The following PRIM2 variants were observed in gnomAD, a reference collection of about 807,000 sequenced individuals.
PRIM2 encodes the protein DNA primase subunit 2.
Under a neutral mutation model 67.3 loss-of-function variants are expected in PRIM2, and 39 were observed. The ratio of observed to expected loss-of-function variants is 0.58; its 90% CI spans 0.45 to 0.76. The LOEUF is 0.76. Ranked by LOEUF, PRIM2 falls within the 30% of genes least tolerant of loss-of-function variation. The probability of loss-of-function intolerance (pLI) is 0.00; values close to 1 mark genes in which losing one functional copy is unlikely to be tolerated. For synonymous variants in PRIM2, 143 were observed against 198.7 expected (o/e 0.72, Z 2.36); for missense variants, 398 against 598.7 (o/e 0.66, Z 3.50).
intron 7 of PRIM2, among the ~76,000 whole-genome samples, chr6:57,408,220 T>C (rs551327910): frequency 0.013 from 1,952 of 152,230 alleles, 33 homozygotes; most frequent in African/African-American, 0.045. Context: ...GTGGAGTGGT[T>C]TTAAGGAGCG....
At chr6:57,582,577 A>G (rs1183194247) in intron 10 of PRIM2, among the ~76,000 whole-genome samples, 8 of 152,080 alleles carry the variant, frequency 5.3e-5, no homozygotes, top group Admixed American at 3.9e-4. Context: ...TAGAGTTACT[A>G]TTTCTTTAAA....
intron 7 of PRIM2, among the ~76,000 whole-genome samples, chr6:57,492,883 T>C (rs1176118186): frequency 2.6e-5 from 4 of 152,240 alleles, no homozygotes; most frequent in African/African-American, 9.6e-5. Flanking sequence ...ATTAAGAATT[T>C]GTAGAACTGG....
intron 13 of PRIM2, among the ~76,000 whole-genome samples, chr6:57,633,608 GC>G (rs1777069156): frequency 1.3e-5 from 2 of 152,026 alleles, no homozygotes; most frequent in African/African-American, 4.8e-5. Flanking sequence ...CCTTAATGCA[GC>G]AGTCCCCAAC....
intron 8 of PRIM2, among the ~76,000 whole-genome samples, chr6:57,518,757 T>C (rs1272105944): frequency 6.6e-6 from 1 of 152,212 alleles, no homozygotes; most frequent in Non-Finnish European, 1.5e-5. Flanking sequence ...GTACTGCTGT[T>C]TTTATCTTTT....
At chr6:57,312,458 CAT>C, upstream of PRIM2, among the ~76,000 whole-genome samples, 1 of 151,804 alleles carries the variant, frequency 6.6e-6, no homozygotes, top group Non-Finnish European at 1.5e-5. Flanking sequence ...GCAGTGATAG[CAT>C]CACTGCACTC....
intron 5 of PRIM2, among the ~76,000 whole-genome samples, chr6:57,343,108 T>C (rs1768546465): frequency 6.6e-6 from 1 of 152,208 alleles, no homozygotes; most frequent in South Asian, 2.1e-4. Context: ...TTTACGTTGA[T>C]TTAATAGTTT....
chr6:57,258,157 C>A, the PRIM2 span, among the ~76,000 whole-genome samples: 3 of 152,104 alleles, frequency 2.0e-5, no homozygotes, highest in Admixed American at 2.0e-4. Flanking sequence ...GTGAGTTTCA[C>A]CCATGTTTAA....
chr6:57,642,433 A>ACCTT lies in PRIM2; in HGVS notation c.1300-3495_1300-3494insCCTT, dbSNP rs1444848326. ...GATATGCACATACCTTAAATATTAT[A>ACCTT]TCTTTTTTTTTTTTTTTTTTTTTTT... is the stretch of plus-strand genomic sequence containing the variant. On this transcript the variant is annotated intron_variant, in intron 13 of 13. Coordinates refer to ENST00000615550, the MANE Select transcript of PRIM2 (RefSeq NM_000947.5). Among the ~76,000 whole-genome samples the ACCTT allele has an allele frequency of 6.1e-3, 654 of 106,758 alleles. 9 individuals are homozygous for ACCTT. Among genetic ancestry groups the ACCTT allele is most frequent in the East Asian group, 0.012 (36 of 2,884 alleles). The allele number at this position is 106,758 out of a possible 152,430, so 70.0% of individuals were successfully genotyped here. A position where few individuals can be genotyped will look rare whatever the true frequency, so the allele number is the denominator to read the frequency against.
At chr6:57,564,654 A>G (rs1468551975) in intron 10 of PRIM2, among the ~76,000 whole-genome samples, 1 of 152,194 alleles carries the variant, frequency 6.6e-6, no homozygotes, top group Non-Finnish European at 1.5e-5. Flanking sequence ...TGAGGCTACC[A>G]GCCCCTATTT....
chr6:57,244,550 C>T, the PRIM2 span, among the ~76,000 whole-genome samples: 1 of 152,090 alleles, frequency 6.6e-6, no homozygotes, highest in Non-Finnish European at 1.5e-5. Flanking sequence ...CACCTGAAGT[C>T]GGGAGTTCGA....
intron 7 of PRIM2, among the ~76,000 whole-genome samples, chr6:57,460,618 A>T (rs1772973914): frequency 7.7e-6 from 1 of 129,658 alleles, no homozygotes; most frequent in East Asian, 2.1e-4. Context: ...TCCTGATTTA[A>T]AAAAAAAAAA....
At chr6:57,437,598 G>A (rs879893999) in intron 7 of PRIM2, among the ~76,000 whole-genome samples, 1 of 151,126 alleles carries the variant, frequency 6.6e-6, no homozygotes, top group Non-Finnish European at 1.5e-5. Context: ...AGAATTTTAT[G>A]AGATAAAGTG....
Position 57,624,621 on chromosome 6 carries a change from A to T in PRIM2, c.1231-7512A>T, listed in dbSNP as rs1164184966. On this transcript the variant is annotated intron_variant, in intron 12 of 13. Coordinates refer to ENST00000615550, the MANE Select transcript of PRIM2 (RefSeq NM_000947.5). Reference sequence around the variant, plus strand: ...TTGAGTAGGAGTTTCCCCTGTGCCTAATGTAAGGCAGATTAGGCAAAAGGA... The same window carrying T: ...TTGAGTAGGAGTTTCCCCTGTGCCTTATGTAAGGCAGATTAGGCAAAAGGA... Among the ~76,000 whole-genome samples, 3 of 152,308 alleles carry T rather than the reference A, an allele frequency of 2.0e-5. No individual in the cohort carries two copies. In the East Asian group the frequency reaches 5.8e-4, roughly 29 times the overall value.
At chr6:57,282,214 T>C in the PRIM2 span, among the ~76,000 whole-genome samples, 6 of 152,220 alleles carry the variant, frequency 3.9e-5, no homozygotes, top group Non-Finnish European at 8.8e-5. Context: ...TTATTTTGTA[T>C]ATTTCTTGAG....
At chr6:57,474,057 A>T (rs1339561789) in intron 7 of PRIM2, among the ~76,000 whole-genome samples, 1 of 151,336 alleles carries the variant, frequency 6.6e-6, no homozygotes, top group Admixed American at 6.6e-5. Context: ...GATATTATCC[A>T]CCCATTTTTT....
At chr6:57,599,173 C>T (rs1776419147) in intron 10 of PRIM2, among the ~76,000 whole-genome samples, 1 of 65,282 alleles carries the variant, frequency 1.5e-5, no homozygotes, top group East Asian at 4.3e-4. Context: ...GTCTCGATCT[C>T]CTGACCTCGT....
chr6:57,441,694 CAAAT>C (rs1772208500), intron 7 of PRIM2, among the ~76,000 whole-genome samples: 1 of 152,184 alleles, frequency 6.6e-6, no homozygotes. Context: ...AGCAGTTTGT[CAAAT>C]AAATGTTTCT....
chr6:57,260,736 G>A, the PRIM2 span, among the ~76,000 whole-genome samples: 1 of 152,078 alleles, frequency 6.6e-6, no homozygotes, highest in Non-Finnish European at 1.5e-5. Context: ...AAACATCCCA[G>A]GAGAAGAAAT....
chr6:57,400,276 A>G (rs1770662967), intron 7 of PRIM2, among the ~76,000 whole-genome samples: 1 of 152,176 alleles, frequency 6.6e-6, no homozygotes, highest in Non-Finnish European at 1.5e-5. Context: ...TCCTTTCAAG[A>G]TCTCTTGTAA....
Sources: allele counts gnomAD v4.1 joint callset (sites outside exome capture counted in the v4.1 genomes callset), GRCh38; gene constraint gnomAD v4.1.1; transcripts MANE v1.5; gene names NCBI Gene and HGNC (gene_info 2026-07-23, HGNC 2026-07-21).